Variants in REEP1 observed in about 807,000 individuals in gnomAD.
REEP1 encodes the protein receptor accessory protein 1.
Under a neutral mutation model 40.3 loss-of-function variants are expected in REEP1, and 22 were observed. The ratio of observed to expected loss-of-function variants is 0.55; its 90% CI spans 0.39 to 0.78. The LOEUF is 0.78. Among genes scored for constraint, REEP1 ranks in the 30% least tolerant of loss-of-function variants. The pLI, the probability that REEP1 is intolerant of heterozygous loss-of-function variation, is 0.00. For missense variants in REEP1, 280 were observed against 361.1 expected (o/e 0.78, Z 1.82); for synonymous variants, 116 against 139.2 (o/e 0.83, Z 1.17).
chr2:86,228,611 T>C (rs1050237963), intron 6 of REEP1, among the ~76,000 whole-genome samples: 1 of 152,016 alleles, frequency 6.6e-6, no homozygotes, highest in African/African-American at 2.4e-5. Flanking sequence ...GGCACCCGCC[T>C]TCACGCCCAG....
chr2:86,272,331 T>C (rs1677504218), intron 2 of REEP1, among the ~76,000 whole-genome samples: 1 of 152,240 alleles, frequency 6.6e-6, no homozygotes, highest in Non-Finnish European at 1.5e-5. Context: ...ACTTGCTCAC[T>C]GCAGTGCATC....
upstream of REEP1, chr2:86,337,704 CA>C (rs1681122031): frequency 1.0e-6 from 1 of 979,932 alleles, no homozygotes; most frequent in South Asian, 4.7e-5. This position sits in a 1 kb window ranked among gnomAD's most constrained non-coding sequence, Gnocchi z 5.8. Context: ...GCGGCGGCCC[CA>C]GCCCCCCGGG....
At chr2:86,331,956 C>T (rs928628230) in intron 1 of REEP1, among the ~76,000 whole-genome samples, 8 of 152,084 alleles carry the variant, frequency 5.3e-5, no homozygotes, top group African/African-American at 1.9e-4. Flanking sequence ...GGTCTGGGTA[C>T]CCACGCATGC....
intron 5 of REEP1, among the ~76,000 whole-genome samples, chr2:86,234,489 G>A (rs1185892209): frequency 1.3e-5 from 2 of 152,178 alleles, no homozygotes; most frequent in Admixed American, 1.3e-4. Context: ...CTGCACTCTA[G>A]TCTGGGCAAC....
chr2:86,281,295 G>C (rs1405513454), intron 2 of REEP1, among the ~76,000 whole-genome samples: 1 of 152,146 alleles, frequency 6.6e-6, no homozygotes, highest in Non-Finnish European at 1.5e-5. Flanking sequence ...AGTCCTCCCA[G>C]ATCCCCTTCC....
In REEP1 at chr2:86,330,413, TG is replaced by T. The variant is rs1680711111; in HGVS notation, c.32+7065del. Among the ~76,000 whole-genome samples the T allele has an allele frequency of 2.9e-5, 3 of 103,052 alleles. No homozygotes were observed. In the East Asian group the frequency reaches 1.1e-3, roughly 37 times the overall value. The allele number at this position is 103,052 out of a possible 152,430, so 67.6% of individuals were successfully genotyped here. ...TGACTCTCCCTACCACAGTGAATCC[TG>T]GTGTGTGTGTGTGTGTGTGTGTGTG... On this transcript the variant is annotated intron_variant, in intron 1 of 8. Coordinates refer to ENST00000538924, the MANE Select transcript of REEP1 (RefSeq NM_001371279.1).
intron 2 of REEP1, among the ~76,000 whole-genome samples, chr2:86,268,585 C>G (rs1053121481): frequency 7.2e-5 from 11 of 152,114 alleles, no homozygotes; most frequent in Non-Finnish European, 1.3e-4. Flanking sequence ...AATGCAACCC[C>G]AATCACAATC....
At chr2:86,294,154 G>C (rs1387705746) in intron 1 of REEP1, among the ~76,000 whole-genome samples, 2 of 152,130 alleles carry the variant, frequency 1.3e-5, no homozygotes, top group Admixed American at 1.3e-4. Context: ...GGGGATATAG[G>C]GAGTTGATAA....
chr2:86,282,148 G>C lies in REEP1; in HGVS notation c.105+22C>G, dbSNP rs777323195. 3 of 1,569,920 alleles carry C rather than the reference G, an allele frequency of 1.9e-6. No individual in the cohort carries two copies. In the East Asian group the frequency reaches 6.7e-5, roughly 35 times the overall value. On this transcript the variant is annotated intron_variant, in intron 2 of 8. Transcript: ENST00000538924. Reference sequence around the variant, plus strand: ...TGACCTGACTCCAGCCAACCCGCTCGAAAATACACAGTGCTACTTACATAT... The same window carrying C: ...TGACCTGACTCCAGCCAACCCGCTCCAAAATACACAGTGCTACTTACATAT...
At chr2:86,250,604 G>C (rs775731511) in intron 5 of REEP1, among the ~76,000 whole-genome samples, 2 of 152,042 alleles carry the variant, frequency 1.3e-5, no homozygotes, top group Non-Finnish European at 2.9e-5. Context: ...ATAGTAAAGG[G>C]GCAGAGACCC....
intron 5 of REEP1, chr2:86,251,541 T>C (rs2303358): frequency 0.45 from 126,060 of 280,980 alleles, 31,150 homozygotes; most frequent in East Asian, 0.67. Flanking sequence ...GTCCACTGCA[T>C]TTAGGCGACT....
intron 3 of REEP1, among the ~76,000 whole-genome samples, chr2:86,261,042 T>G (rs1376920057): frequency 2.6e-5 from 4 of 152,206 alleles, no homozygotes; most frequent in African/African-American, 9.6e-5. Flanking sequence ...AAGGGCATAT[T>G]CCAGCTACCC....
intron 1 of REEP1, among the ~76,000 whole-genome samples, chr2:86,336,215 G>A (rs1049469276): frequency 6.6e-6 from 1 of 152,220 alleles, no homozygotes; most frequent in African/African-American, 2.4e-5. Flanking sequence ...ACCTCAAGGT[G>A]CAGCGCAAAC....
chr2:86,332,217 G>A (rs955790748), intron 1 of REEP1, among the ~76,000 whole-genome samples: 32 of 151,894 alleles, frequency 2.1e-4, no homozygotes, highest in Non-Finnish European at 3.5e-4. Flanking sequence ...CCCTTCCCAA[G>A]GCCCAGAATC....
intron 1 of REEP1, among the ~76,000 whole-genome samples, chr2:86,288,540 C>T (rs1044016231): frequency 6.6e-6 from 1 of 152,106 alleles, no homozygotes; most frequent in South Asian, 2.1e-4. Context: ...ACTTAGGTTC[C>T]TTATTTTTCC....
intron 1 of REEP1, among the ~76,000 whole-genome samples, chr2:86,291,521 G>C (rs1316947010): frequency 1.3e-5 from 2 of 152,082 alleles, no homozygotes; most frequent in African/African-American, 4.8e-5. Context: ...AGATTTGAGA[G>C]AGTGAACACA....
At chr2:86,264,346 G>A (rs1016937840) in intron 2 of REEP1, among the ~76,000 whole-genome samples, 2 of 152,096 alleles carry the variant, frequency 1.3e-5, no homozygotes, top group African/African-American at 4.8e-5. Flanking sequence ...CAGAACATCA[G>A]GGGAGAAAAT....
chr2:86,220,176 C>T (rs1327552113), intron 7 of REEP1, 55 bp from the exon 8 acceptor site: 1 of 1,185,806 alleles, frequency 8.4e-7, no homozygotes, highest in Non-Finnish European at 1.1e-6. Flanking sequence ...AAGGAAGCAT[C>T]AGTGCAGGGA....
chr2:86,272,130 G>A (rs1038850986), intron 2 of REEP1, among the ~76,000 whole-genome samples: 4 of 152,184 alleles, frequency 2.6e-5, no homozygotes, highest in African/African-American at 9.7e-5. Context: ...GCTGAGGCAG[G>A]AGAATTGCTT....
Sources: allele counts gnomAD v4.1 joint callset (sites outside exome capture counted in the v4.1 genomes callset), GRCh38; gene constraint gnomAD v4.1.1; non-coding constraint Gnocchi (gnomAD v3.1); transcripts MANE v1.5; gene names NCBI Gene and HGNC (gene_info 2026-07-23, HGNC 2026-07-21).